Variants in PTPRD observed in about 807,000 individuals in gnomAD.
The protein encoded by PTPRD is protein tyrosine phosphatase receptor type D, also known as receptor-type tyrosine-protein phosphatase delta.
A neutral mutation model predicts 214.5 loss-of-function variants in PTPRD; 34 were observed. The ratio of observed to expected loss-of-function variants is 0.16; its 90% confidence interval spans 0.12 to 0.21. PTPRD has a LOEUF of 0.21. Ranked by LOEUF, PTPRD falls within the 10% of genes least tolerant of loss-of-function variation. PTPRD has a pLI of 1.00. For synonymous variants in PTPRD, 1,128 were observed against 845.7 expected (o/e 1.33, Z -5.79); for missense variants, 2,545 against 2,398.7 (o/e 1.06, Z -1.27).
At chr9:9,694,558 G>C (rs2097335374) in intron 7 of PTPRD, among the ~76,000 whole-genome samples, 1 of 151,980 alleles carries the variant, frequency 6.6e-6, no homozygotes, top group Non-Finnish European at 1.5e-5. Context: ...CTTCAGGATT[G>C]CGAGTTCCAG....
Position 9,574,082 on chromosome 9 carries a change from T to G in PTPRD, c.-237+650A>C, listed in dbSNP as rs541496913. Among the ~76,000 whole-genome samples the G allele has an allele frequency of 3.3e-5, 5 of 152,000 alleles. No homozygotes were observed. The South Asian group carries it at 8.3e-4, about 25-fold the overall frequency. ...CAACAGATAAACTCTGAAAGTTGGC[T>G]TAGTGAAAATTAATTTCATCAGTTT... On this transcript the variant is annotated intron_variant, in intron 8 of 45. Transcript: ENST00000381196.
intron 2 of PTPRD, among the ~76,000 whole-genome samples, chr9:10,537,813 G>C (rs1272501060): frequency 6.6e-6 from 1 of 152,080 alleles, no homozygotes; most frequent in Non-Finnish European, 1.5e-5. Context: ...AAACAAGCCA[G>C]GCTTTTCCTT....
At chr9:9,239,361 T>A (rs994071002) in intron 9 of PTPRD, among the ~76,000 whole-genome samples, 6 of 152,140 alleles carry the variant, frequency 3.9e-5, no homozygotes, top group African/African-American at 1.4e-4. Context: ...CAGCATCAAA[T>A]ATAATACAAA....
At chr9:9,525,089 C>T (rs910516092) in intron 8 of PTPRD, among the ~76,000 whole-genome samples, 1 of 152,080 alleles carries the variant, frequency 6.6e-6, no homozygotes, top group East Asian at 1.9e-4. Flanking sequence ...GATCTCTTGA[C>T]CTCATGATCC....
chr9:9,682,090 C>A (rs766286291), intron 7 of PTPRD, among the ~76,000 whole-genome samples: 1 of 151,714 alleles, frequency 6.6e-6, no homozygotes, highest in Non-Finnish European at 1.5e-5. Context: ...AACTTGCCAG[C>A]CCCTGGAAAA....
chr9:10,151,744 T>C (rs947730787), intron 3 of PTPRD, among the ~76,000 whole-genome samples: 1 of 152,146 alleles, frequency 6.6e-6, no homozygotes, highest in African/African-American at 2.4e-5. Context: ...TGCAGCTATT[T>C]GTTGTTAAGA....
intron 37 of PTPRD, among the ~76,000 whole-genome samples, chr9:8,380,806 G>A (rs531866850): frequency 2.0e-5 from 3 of 152,178 alleles, no homozygotes; most frequent in African/African-American, 7.2e-5. Context: ...CTTACCTTGG[G>A]AGTGCTCAGC....
intron 4 of PTPRD, among the ~76,000 whole-genome samples, chr9:9,966,348 T>C (rs576816886): frequency 2.0e-5 from 3 of 152,318 alleles, no homozygotes; most frequent in Non-Finnish European, 4.4e-5. Context: ...CTCGTGATTA[T>C]TTTTCTTTTT....
intron 3 of PTPRD, among the ~76,000 whole-genome samples, chr9:10,143,209 G>T (rs1204880986): frequency 2.0e-5 from 3 of 151,930 alleles, no homozygotes; most frequent in South Asian, 2.1e-4. Flanking sequence ...CACCGGCATG[G>T]CACATGTATA....
intron 9 of PTPRD, among the ~76,000 whole-genome samples, chr9:9,255,135 C>A (rs927606125): frequency 6.6e-6 from 1 of 152,002 alleles, no homozygotes; most frequent in Non-Finnish European, 1.5e-5. Context: ...TGCAAACAGA[C>A]CCAGAAGAAA....
At chr9:9,750,245 T>C (rs142252458) in intron 6 of PTPRD, among the ~76,000 whole-genome samples, 64 of 152,296 alleles carry the variant, frequency 4.2e-4, no homozygotes, top group East Asian at 1.5e-3. Flanking sequence ...GTAACTATTA[T>C]TGAAATGCTC....
intron 7 of PTPRD, among the ~76,000 whole-genome samples, chr9:9,626,333 C>T (rs951996874): frequency 2.0e-5 from 3 of 152,138 alleles, no homozygotes; most frequent in African/African-American, 7.2e-5. Flanking sequence ...AAAGCTAAGG[C>T]TCTGTCTGAT....
At chr9:8,755,167 C>G (rs2093885249) in intron 11 of PTPRD, among the ~76,000 whole-genome samples, 3 of 151,054 alleles carry the variant, frequency 2.0e-5, no homozygotes, top group Admixed American at 6.6e-5. Context: ...CCTACCACAT[C>G]AACCAGCAGT....
At chr9:9,909,260 C>T (rs1273358322) in intron 5 of PTPRD, among the ~76,000 whole-genome samples, 3 of 150,240 alleles carry the variant, frequency 2.0e-5, no homozygotes, top group East Asian at 1.9e-4. Context: ...TATAATATTG[C>T]TATGGATGAA....
intron 8 of PTPRD, among the ~76,000 whole-genome samples, chr9:9,420,512 A>T (rs1391657105): frequency 6.6e-6 from 1 of 151,912 alleles, no homozygotes; most frequent in East Asian, 1.9e-4. Flanking sequence ...TAATCGGGGA[A>T]TACAAATCAA....
intron 3 of PTPRD, among the ~76,000 whole-genome samples, chr9:10,085,725 G>C (rs576987663): frequency 6.6e-6 from 1 of 151,774 alleles, no homozygotes; most frequent in East Asian, 2.0e-4. Flanking sequence ...AGGCAAAGAT[G>C]GCTATTTGCT....
rs1023217 is a variant in PTPRD, at chr9:9,385,401, C to T, written c.-203+12048G>A. ...GAAAGTGAGATAAATGAGAGGAAAG[C>T]GAAGTACTAGACAATCTTTCACAAG... On this transcript the variant is annotated intron_variant, in intron 9 of 45. Coordinates refer to ENST00000381196, the MANE Select transcript of PTPRD (RefSeq NM_002839.4). Among the ~76,000 whole-genome samples, 783 of 152,196 alleles carry T rather than the reference C, an allele frequency of 5.1e-3. 3 individuals carry two copies. The highest frequency in any genetic ancestry group is 0.018 in the African/African-American group (738 of 41,540).
At chr9:8,663,593 T>C (rs13299385) in intron 12 of PTPRD, among the ~76,000 whole-genome samples, 10 of 152,188 alleles carry the variant, frequency 6.6e-5, no homozygotes, top group African/African-American at 2.4e-4. Flanking sequence ...TGGGTTCAAG[T>C]GATTCTCCTG....
intron 8 of PTPRD, among the ~76,000 whole-genome samples, chr9:9,441,534 G>C (rs958792640): frequency 6.6e-6 from 1 of 152,134 alleles, no homozygotes; most frequent in African/African-American, 2.4e-5. Flanking sequence ...GAAACTAGGT[G>C]ATGAACTAAA....
Sources: gnomAD v4.1 joint callset for allele counts (sites outside exome capture counted in the v4.1 genomes callset) on GRCh38, gnomAD v4.1.1 for gene constraint, MANE v1.5 for transcripts, NCBI Gene and HGNC (gene_info 2026-07-23, HGNC 2026-07-21) for gene names.